Variants in INTS7 observed in about 807,000 individuals in gnomAD.
INTS7 encodes integrator complex subunit 7, also known as chromosome 1 open reading frame 73.
Under a neutral mutation model 109.2 loss-of-function variants are expected in INTS7, and 46 were observed. That is an observed-to-expected ratio of 0.42 (90% CI 0.33 to 0.54). The LOEUF (loss-of-function observed/expected upper bound fraction) is 0.54. INTS7 is among the 20% of genes least tolerant of loss of function. The pLI is 0.07. For synonymous variants in INTS7, 412 were observed against 402.9 expected, an observed-to-expected ratio of 1.02 and a Z score of -0.27; for missense variants, 929 against 1,132.4, an observed-to-expected ratio of 0.82 and a Z score of 2.58.
chr1:212,011,236 C>T (rs539465307), intron 5 of INTS7, 139 bp downstream of exon 5: 59 of 582,400 alleles, frequency 1.0e-4, no homozygotes, highest in African/African-American at 8.3e-4. Flanking sequence ...GCATTTAGAA[C>T]AGTTTGGGCA....
Position 211,975,145 on chromosome 1 carries a change from AG to A in INTS7, c.1815+20del. On this transcript the variant is annotated intron_variant, in intron 13 of 19. Coordinates refer to ENST00000366994, the MANE Select transcript of INTS7 (RefSeq NM_015434.4). ...CTCTCACATAAATCATCACCACCAA[AG>A]GTGAATTAAGAGGACTTACTGTTAA... 2 of 1,523,232 alleles carry A rather than the reference AG, an allele frequency of 1.3e-6. No homozygotes were observed. The highest frequency in any genetic ancestry group is 1.8e-6 in the Non-Finnish European group (2 of 1,098,064). 94.4% of individuals were successfully genotyped at this position (1,523,232 alleles called of 1,614,324 possible).
In INTS7 at chr1:212,006,639, C is replaced by A; in HGVS notation, c.879G>T (p.Gln293His). 6.7e-7 allele frequency: 1 copy of A among 1,501,546 alleles called. No homozygotes were observed. The highest frequency in any genetic ancestry group is 9.2e-7 in the Non-Finnish European group (1 of 1,091,996). The allele number at this position is 1,501,546 out of a possible 1,614,324, so 93.0% of individuals were successfully genotyped here. The change falls in exon 7 of 20, where the codon CAG becomes CAT. Residue 293 changes from glutamine (Q) to histidine (H), a missense_variant and splice_region_variant. Coordinates refer to ENST00000366994, the MANE Select transcript of INTS7 (RefSeq NM_015434.4). ...ATAAAATGTTACAAGTTCTACATAC[C>A]TGAATATTCTCCCTACTCCAAGTAT... is the stretch of plus-strand genomic sequence containing the variant. ...TPHTWSRENI[Q>H]ALCECALQTP...
chr1:211,962,458 G>A (rs1419465911), intron 16 of INTS7, among the ~76,000 whole-genome samples: 4 of 151,968 alleles, frequency 2.6e-5, no homozygotes, highest in African/African-American at 9.7e-5. Context: ...CTCCATGACA[G>A]TATTAGATCA....
chr1:212,016,786 C>G (rs1666463735), intron 4 of INTS7, 100 bp downstream of exon 4: 2 of 893,886 alleles, frequency 2.2e-6, no homozygotes, highest in Non-Finnish European at 3.5e-6. Context: ...TTTACACTTT[C>G]CTGTATCTCT....
intron 13 of INTS7, among the ~76,000 whole-genome samples, chr1:211,969,703 G>A (rs866954386): frequency 4.0e-4 from 60 of 149,478 alleles, no homozygotes; most frequent in Admixed American, 4.7e-4. Flanking sequence ...CTAAGGGTGC[G>A]TACCACCATG....
chr1:212,011,934 C>A (rs946193040), intron 4 of INTS7, among the ~76,000 whole-genome samples: 1 of 152,164 alleles, frequency 6.6e-6, no homozygotes, highest in South Asian at 2.1e-4. Flanking sequence ...TTTTAAAATT[C>A]TTTTTAAAAT....
At chr1:212,001,062 T>A (rs906862631) in intron 7 of INTS7, among the ~76,000 whole-genome samples, 1 of 126,154 alleles carries the variant, frequency 7.9e-6, no homozygotes, top group African/African-American at 2.8e-5. Flanking sequence ...AGGGCAGAAT[T>A]CCTTTTTTTT....
At chr1:212,016,380 G>A (rs1324941461) in intron 4 of INTS7, among the ~76,000 whole-genome samples, 4 of 152,102 alleles carry the variant, frequency 2.6e-5, no homozygotes, top group African/African-American at 9.7e-5. Context: ...TAAAACCATG[G>A]TCAACATTTA....
chr1:211,941,835 T>C lies in INTS7; in HGVS notation c.2878A>G (p.Thr960Ala). ...CATTCATTCCATGGTTAAAACCGTG[T>C]GTAGGCATTGCGTTGCTGCTGCTGC... is the stretch of plus-strand genomic sequence containing the variant. ...LQQQQQRNAYTRF is the reference protein window; with the variant it reads ...LQQQQQRNAYARF The change falls in exon 20 of 20, where the codon ACA becomes GCA. Residue 960 changes from threonine to alanine, a missense_variant. Physicochemically the swap from Thr to Ala is moderately conservative, Grantham distance 58 (BLOSUM62 0). Around this residue, in one of 2 missense-constraint regions of INTS7, gnomAD observed 787 missense variants for 901.1 expected, o/e 0.87. Coordinates refer to ENST00000366994, the MANE Select transcript of INTS7 (RefSeq NM_015434.4). 6.2e-7 allele frequency: 1 copy of C among 1,614,046 alleles called. No individual in the cohort carries two copies. The highest frequency in any genetic ancestry group is 8.5e-7 in the Non-Finnish European group (1 of 1,179,938).
At position 211,975,354 on chromosome 1, in the gene INTS7, T is replaced by C; in HGVS notation, c.1627A>G (p.Lys543Glu). Residue 543 changes from lysine to glutamate, a missense_variant, in exon 13 of 20, where the codon AAA becomes GAA. By Grantham distance (56) the Lys-to-Glu change is moderately conservative. Around this residue, in one of 2 missense-constraint regions of INTS7, gnomAD observed 787 missense variants for 901.1 expected, o/e 0.87. Coordinates refer to ENST00000366994, the MANE Select transcript of INTS7 (RefSeq NM_015434.4). ...ASRMGNHDMA[K>E]ELYQSLLTQV... The stretch of plus-strand genomic sequence containing the variant: ...GTCAGCAAACTCTGATAAAGCTCTT[T>C]GGCCATGTCATGATTACCCTAAAAA... The C allele has an allele frequency of 6.2e-7, 1 of 1,613,948 alleles. No homozygotes were observed. The highest frequency in any genetic ancestry group is 8.5e-7 in the Non-Finnish European group (1 of 1,179,864).
intron 6 of INTS7, 22 bp from the exon 7 acceptor site, chr1:212,006,783 C>A: frequency 6.4e-7 from 1 of 1,572,558 alleles, no homozygotes; most frequent in Non-Finnish European, 8.7e-7. Context: ...ATAAGTCACT[C>A]CATAAACAAT....
intron 7 of INTS7, among the ~76,000 whole-genome samples, chr1:211,992,293 G>A (rs2993544): frequency 0.61 from 92,940 of 151,732 alleles, 28,892 homozygotes; most frequent in Non-Finnish European, 0.66. Context: ...GCCTTCTGTG[G>A]TAATAAACTA....
chr1:212,032,772 C>G (rs1171320691), intron 1 of INTS7, among the ~76,000 whole-genome samples: 2 of 152,212 alleles, frequency 1.3e-5, no homozygotes, highest in Non-Finnish European at 2.9e-5. Flanking sequence ...AACCACCACG[C>G]CCGACTGACT....
At chr1:212,028,983 A>G (rs1012865699) in intron 1 of INTS7, among the ~76,000 whole-genome samples, 1 of 152,226 alleles carries the variant, frequency 6.6e-6, no homozygotes, top group African/African-American at 2.4e-5. Flanking sequence ...TCTAGCAAGC[A>G]ACTAGAAAGA....
intron 4 of INTS7, among the ~76,000 whole-genome samples, chr1:212,013,798 A>G (rs1666272147): frequency 6.6e-6 from 1 of 152,236 alleles, no homozygotes; most frequent in Admixed American, 6.5e-5. Flanking sequence ...GTACAGGTTT[A>G]CAGCCTGGGG....
rs1409806812 is a variant in INTS7, at chr1:212,007,240, T to C, written c.756+10A>G. ...CCAAAGATAGGCAGTTTAAAGAAAA[T>C]TGAAATTACCTGCTTAGGTGTATCA... On this transcript the variant is annotated intron_variant, in intron 6 of 19. Transcript: ENST00000366994. 7 of 1,600,944 alleles carry C rather than the reference T, an allele frequency of 4.4e-6. No individual in the cohort carries two copies. The highest frequency in any genetic ancestry group is 2.2e-5 in the East Asian group (1 of 44,724).
At chr1:211,983,525 G>A (rs1664752796) in intron 8 of INTS7, among the ~76,000 whole-genome samples, 2 of 152,186 alleles carry the variant, frequency 1.3e-5, no homozygotes, top group Admixed American at 6.5e-5. Flanking sequence ...GTAATTTACA[G>A]TAGAGAAGCC....
At chr1:211,951,348 G>T (rs755476585) in intron 17 of INTS7, among the ~76,000 whole-genome samples, 1 of 151,912 alleles carries the variant, frequency 6.6e-6, no homozygotes, top group Non-Finnish European at 1.5e-5. Flanking sequence ...TCGCTCTGTT[G>T]CCCGGGCTGG....
In INTS7 at chr1:212,021,229, G is replaced by C. The variant is rs773085578; in HGVS notation, c.95-17C>G. On this transcript the variant is annotated splice_polypyrimidine_tract_variant and intron_variant, in intron 1 of 19. Transcript: ENST00000366994. The stretch of plus-strand genomic sequence containing the variant: ...ATCTTAGGCCTATGGAAAAAAAAAA[G>C]CACAGAGAGGGAAGAACAGTTTGCA... The C allele has an allele frequency of 3.2e-6, 5 of 1,576,122 alleles. No homozygotes were observed. In the East Asian group the frequency reaches 9.0e-5, roughly 29 times the overall value.
Sources: gnomAD v4.1 joint callset for allele counts (sites outside exome capture counted in the v4.1 genomes callset) on GRCh38, gnomAD v4.1.1 for gene constraint, gnomAD v4.1.1 regional missense constraint, MANE v1.5 for transcripts, NCBI Gene and HGNC (gene_info 2026-07-23, HGNC 2026-07-21) for gene names.